FSTL5: variants seen among roughly 807,000 people sequenced by gnomAD.
FSTL5 encodes the protein follistatin like 5, also known as follistatin-related protein 5.
Under a neutral mutation model 89.1 loss-of-function variants are expected in FSTL5, and 62 were observed. That is an observed-to-expected ratio of 0.70 (90% CI 0.57 to 0.86). FSTL5 has a LOEUF of 0.86. Among genes scored for constraint, FSTL5 ranks in the 40% least tolerant of loss-of-function variants. FSTL5 has a pLI of 0.00. For missense variants in FSTL5, 1,057 were observed against 1,001.6 expected (o/e 1.06, Z -0.75); for synonymous variants, 383 against 346.2 (o/e 1.11, Z -1.18).
At chr4:161,611,429 T>C (rs897330341) in intron 7 of FSTL5, among the ~76,000 whole-genome samples, 26 of 151,848 alleles carry the variant, frequency 1.7e-4, no homozygotes, top group African/African-American at 6.0e-4. Flanking sequence ...ATTTATAACC[T>C]TCTACGTACA....
intron 3 of FSTL5, among the ~76,000 whole-genome samples, chr4:161,957,649 T>C (rs1163523176): frequency 6.6e-6 from 1 of 152,152 alleles, no homozygotes; most frequent in Non-Finnish European, 1.5e-5. Flanking sequence ...ACCGAGTCCT[T>C]TTCCATTAAA....
chr4:161,646,183 C>A (rs1177234054), intron 7 of FSTL5, among the ~76,000 whole-genome samples: 2 of 147,908 alleles, frequency 1.4e-5, no homozygotes, highest in Non-Finnish European at 3.0e-5. Context: ...TATAATATAT[C>A]ATATATAATG....
At chr4:161,441,860 A>G (rs1732772679) in intron 15 of FSTL5, among the ~76,000 whole-genome samples, 1 of 152,122 alleles carries the variant, frequency 6.6e-6, no homozygotes, top group African/African-American at 2.4e-5. Context: ...TGAGCCGACT[A>G]TGGCCAGTTA....
intron 4 of FSTL5, among the ~76,000 whole-genome samples, chr4:161,810,440 A>G (rs1338325302): frequency 1.3e-5 from 2 of 152,318 alleles, no homozygotes; most frequent in African/African-American, 4.8e-5. Context: ...AATAATGTGT[A>G]TATTCACTTT....
intron 4 of FSTL5, among the ~76,000 whole-genome samples, chr4:161,892,536 T>A (rs1208296688): frequency 1.3e-5 from 2 of 152,056 alleles, no homozygotes; most frequent in Non-Finnish European, 2.9e-5. Context: ...GTAAACCTTG[T>A]AGAAGTCTAT....
chr4:161,977,622 A>ATAT (rs1578911345), intron 3 of FSTL5, among the ~76,000 whole-genome samples: 1 of 79,310 alleles, frequency 1.3e-5, no homozygotes, highest in African/African-American at 7.2e-5. Context: ...CAAAAAAAAA[A>ATAT]AAAAAAAAAA....
chr4:161,796,081 T>C (rs1729624517), intron 4 of FSTL5, among the ~76,000 whole-genome samples: 1 of 151,992 alleles, frequency 6.6e-6, no homozygotes, highest in Non-Finnish European at 1.5e-5. Context: ...TAGTTTAAAA[T>C]GTGTAGCCTT....
chr4:161,657,419 G>A (rs991688822), intron 6 of FSTL5, among the ~76,000 whole-genome samples: 8 of 152,138 alleles, frequency 5.3e-5, no homozygotes, highest in Non-Finnish European at 7.4e-5. Context: ...TACCACAAAC[G>A]AAACACCACG....
At chr4:161,887,308 T>G (rs1407167354) in intron 4 of FSTL5, among the ~76,000 whole-genome samples, 1 of 152,132 alleles carries the variant, frequency 6.6e-6, no homozygotes, top group African/African-American at 2.4e-5. Context: ...TTCATCATAA[T>G]TCAGTCATAT....
At chr4:161,465,242 T>G (rs1733712647) in intron 13 of FSTL5, among the ~76,000 whole-genome samples, 1 of 152,120 alleles carries the variant, frequency 6.6e-6, no homozygotes, top group Non-Finnish European at 1.5e-5. Flanking sequence ...TTCCTGTAAC[T>G]AGTCACCTGT....
intron 5 of FSTL5, among the ~76,000 whole-genome samples, chr4:161,765,376 T>A (rs1016829026): frequency 1.3e-5 from 2 of 152,214 alleles, no homozygotes; most frequent in Non-Finnish European, 2.9e-5. Flanking sequence ...CAGCATTTTA[T>A]CTGTGAGATA....
At chr4:161,418,538 C>T (rs191925571) in intron 15 of FSTL5, among the ~76,000 whole-genome samples, 1 of 152,232 alleles carries the variant, frequency 6.6e-6, no homozygotes, top group Admixed American at 6.5e-5. Flanking sequence ...CTCACTAATT[C>T]ACCAAAAGTT....
chr4:161,900,336 A>G (rs1198771676), intron 4 of FSTL5, among the ~76,000 whole-genome samples: 2 of 152,150 alleles, frequency 1.3e-5, no homozygotes, highest in Non-Finnish European at 2.9e-5. Flanking sequence ...CAACTAAGGA[A>G]GTGGTTAGTA....
intron 8 of FSTL5, among the ~76,000 whole-genome samples, chr4:161,551,774 G>A (rs1246059274): frequency 3.3e-5 from 5 of 151,880 alleles, no homozygotes; most frequent in African/African-American, 1.2e-4. Context: ...GGGAAAACTG[G>A]CTAGCCATAT....
intron 15 of FSTL5, among the ~76,000 whole-genome samples, chr4:161,400,100 GGTT>G (rs759300939): frequency 5.3e-5 from 8 of 151,610 alleles, no homozygotes; most frequent in Non-Finnish European, 1.2e-4. Flanking sequence ...TAGACTACAC[GGTT>G]GTTCTGAGAA....
intron 7 of FSTL5, among the ~76,000 whole-genome samples, chr4:161,588,758 C>A (rs571522266): frequency 5.9e-5 from 9 of 152,258 alleles, no homozygotes; most frequent in African/African-American, 1.9e-4. Context: ...CTCTCCACAG[C>A]TGCATGGTGG....
chr4:161,820,221 G>A (rs1382667985), intron 4 of FSTL5, among the ~76,000 whole-genome samples: 1 of 152,070 alleles, frequency 6.6e-6, no homozygotes, highest in Non-Finnish European at 1.5e-5. Context: ...ATTATTGGAA[G>A]ATAAAGATTA....
At chr4:161,710,132 C>T (rs1453608436) in intron 6 of FSTL5, among the ~76,000 whole-genome samples, 2 of 151,926 alleles carry the variant, frequency 1.3e-5, no homozygotes, top group Non-Finnish European at 2.9e-5. Flanking sequence ...CCATGCCCAG[C>T]TAATTTTTAC....
intron 10 of FSTL5, among the ~76,000 whole-genome samples, chr4:161,515,508 C>T (rs1261591344): frequency 2.0e-5 from 3 of 151,538 alleles, no homozygotes; most frequent in Non-Finnish European, 4.4e-5. Context: ...TTTTTCATGT[C>T]TTTTCATTAC....
Sources: gnomAD v4.1 joint callset for allele counts (sites outside exome capture counted in the v4.1 genomes callset) on GRCh38, gnomAD v4.1.1 for gene constraint, MANE v1.5 for transcripts, NCBI Gene and HGNC (gene_info 2026-07-23, HGNC 2026-07-21) for gene names.